PDE3A: variants seen among roughly 807,000 people sequenced by gnomAD.
PDE3A encodes cGMP-inhibited 3',5'-cyclic phosphodiesterase 3A.
In PDE3A, 43 loss-of-function variants were observed where a neutral mutation model predicts 98.3. That is an observed-to-expected ratio of 0.44 (90% CI 0.34 to 0.56). The LOEUF is 0.56. Among genes scored for constraint, PDE3A ranks in the 20% least tolerant of loss-of-function variants. The probability of loss-of-function intolerance (pLI) is 0.01; values close to 1 mark genes in which losing one functional copy is unlikely to be tolerated. For missense variants in PDE3A, 1,427 were observed against 1,440.7 expected (o/e 0.99, Z 0.15); for synonymous variants, 663 against 567.9 (o/e 1.17, Z -2.38).
intron 1 of PDE3A, among the ~76,000 whole-genome samples, chr12:20,472,483 C>G (rs1213524968): frequency 6.6e-6 from 1 of 151,974 alleles, no homozygotes; most frequent in Non-Finnish European, 1.5e-5. Context: ...GTTTTTCTTC[C>G]TAAAGGTGCA....
At chr12:20,551,521 G>C (rs1287097748) in intron 1 of PDE3A, 1 of 1,111,642 alleles carries the variant, frequency 9.0e-7, no homozygotes. Context: ...GGTTAATTCC[G>C]ATAACGAACG....
chr12:20,667,054 G>A (rs992257091), intron 15 of PDE3A, among the ~76,000 whole-genome samples: 1 of 152,052 alleles, frequency 6.6e-6, no homozygotes, highest in Non-Finnish European at 1.5e-5. Context: ...TCATATACCT[G>A]TTGGCCATTT....
rs950639302 is a variant in PDE3A at position 20,684,433 on chromosome 12, A to G, written c.*4162A>G. 1 of 152,182 alleles carries G rather than the reference A, an allele frequency of 6.6e-6. No individual in the cohort carries two copies. Among genetic ancestry groups the G allele is most frequent in the Non-Finnish European group, 1.5e-5 (1 of 68,024 alleles). The allele number at this position is 152,182 out of a possible 1,614,324, so 9.4% of individuals were successfully genotyped here. ...ACTTTCATAGTCTAGAAAAACCAAC[A>G]AGATCCCCCTTATTTAGAGATTATT... On this transcript the variant is annotated 3_prime_UTR_variant, in exon 16 of 16. Transcript: ENST00000359062.
chr12:20,675,505 T>C (rs541250195), intron 15 of PDE3A, among the ~76,000 whole-genome samples: 2 of 152,342 alleles, frequency 1.3e-5, no homozygotes, highest in South Asian at 4.1e-4. Flanking sequence ...GAGAGTGGGA[T>C]GTTGAATTCC....
chr12:20,542,683 T>A (rs1212649078), intron 1 of PDE3A, among the ~76,000 whole-genome samples: 1 of 152,036 alleles, frequency 6.6e-6, no homozygotes, highest in Non-Finnish European at 1.5e-5. Context: ...ATAAATATTG[T>A]TGAGTTAAAG....
At chr12:20,668,155 G>A (rs1266968733) in intron 15 of PDE3A, among the ~76,000 whole-genome samples, 2 of 152,204 alleles carry the variant, frequency 1.3e-5, no homozygotes, top group Non-Finnish European at 2.9e-5. Flanking sequence ...TTAAAAAACG[G>A]CGCACCATGA....
chr12:20,628,943 TG>T, intron 5 of PDE3A, among the ~76,000 whole-genome samples: 1 of 152,292 alleles, frequency 6.6e-6, no homozygotes, highest in Non-Finnish European at 1.5e-5. Flanking sequence ...AATTTGATGA[TG>T]TGAAGGTGGA....
intron 1 of PDE3A, among the ~76,000 whole-genome samples, chr12:20,460,259 T>C (rs989501259): frequency 1.3e-5 from 2 of 152,182 alleles, no homozygotes; most frequent in Admixed American, 6.5e-5. Flanking sequence ...AAGATGGGGA[T>C]GGAGTTGATG....
At position 20,552,604 on chromosome 12, in the gene PDE3A, G is replaced by A. The variant is rs2049419470; in HGVS notation, c.961-4056G>A. 1 of 1,613,678 alleles carries A rather than the reference G, an allele frequency of 6.2e-7. No homozygotes were observed. Among genetic ancestry groups the A allele is most frequent in the Non-Finnish European group, 8.5e-7 (1 of 1,179,856 alleles). On this transcript the variant is annotated intron_variant, in intron 1 of 15. Transcript: ENST00000359062. The surrounding 1 kb of genome is among the most constrained non-coding windows in gnomAD (Gnocchi z 5.1). ...GTCGGCAGGAGGTGGCCCGAGCAGG[G>A]CCGGGTCCCCGCGCCGGACATCCAA... is the stretch of plus-strand genomic sequence containing the variant.
chr12:20,422,091 A>G (rs533921921), intron 1 of PDE3A, among the ~76,000 whole-genome samples: 36 of 152,354 alleles, frequency 2.4e-4, no homozygotes, highest in Middle Eastern at 6.8e-3. Context: ...TCACGCCTGT[A>G]ATCCTAGCAC....
chr12:20,656,320 T>C (rs1384168764), intron 15 of PDE3A, among the ~76,000 whole-genome samples: 1 of 152,220 alleles, frequency 6.6e-6, no homozygotes, highest in African/African-American at 2.4e-5. Context: ...TTTGCTCTCA[T>C]ATAAGCACCT....
intron 1 of PDE3A, among the ~76,000 whole-genome samples, chr12:20,431,623 GCA>G (rs1401790952): frequency 1.7e-4 from 20 of 120,620 alleles, no homozygotes; most frequent in African/African-American, 5.1e-4. Context: ...ACACACACAC[GCA>G]CACACACGCA....
chr12:20,369,817 T>G lies in PDE3A; in HGVS notation c.533T>G (p.Leu178Arg). 6.2e-7 allele frequency: 1 copy of G among 1,611,952 alleles called. No individual in the cohort carries two copies. The highest frequency in any genetic ancestry group is 8.5e-7 in the Non-Finnish European group (1 of 1,179,482). The change falls in exon 1 of 16, where the codon CTG becomes CGG. Residue 178 changes from leucine (L) to arginine (R), a missense_variant. Leu to Arg is a moderately radical substitution (Grantham distance 102). Around this residue, in one of 3 missense-constraint regions of PDE3A, gnomAD observed 1,012 missense variants for 886.5 expected, o/e 1.14. Transcript: ENST00000359062. ...GGGGAAGCGCTCGTCCAGATTGGGCTGGGCGTCGGGGAGGATCACTTACTC... is the reference window on the plus strand; with the variant it reads ...GGGGAAGCGCTCGTCCAGATTGGGCGGGGCGTCGGGGAGGATCACTTACTC... ...CGGEALVQIG[L>R]GVGEDHLLSL... is the part of the protein sequence containing the mutation.
At chr12:20,375,309 C>T (rs1943550734) in intron 1 of PDE3A, among the ~76,000 whole-genome samples, 1 of 151,846 alleles carries the variant, frequency 6.6e-6, no homozygotes, top group African/African-American at 2.4e-5. Context: ...TATATACTTT[C>T]ATGATAGGTA....
chr12:20,642,360 T>C (rs1944664275), intron 10 of PDE3A, among the ~76,000 whole-genome samples: 1 of 152,076 alleles, frequency 6.6e-6, no homozygotes, highest in Non-Finnish European at 1.5e-5. Context: ...AGACAAGAAA[T>C]ATGGTCAACT....
intron 15 of PDE3A, among the ~76,000 whole-genome samples, chr12:20,671,987 G>A (rs1945495462): frequency 6.7e-6 from 1 of 149,032 alleles, no homozygotes; most frequent in South Asian, 2.1e-4. Flanking sequence ...AAGCTGATAA[G>A]CAACTTCAGC....
intron 4 of PDE3A, among the ~76,000 whole-genome samples, chr12:20,618,719 G>A: frequency 6.6e-6 from 1 of 152,078 alleles, no homozygotes; most frequent in Admixed American, 6.6e-5. Flanking sequence ...ATACAAGTAG[G>A]TGCTTAAAAA....
intron 1 of PDE3A, among the ~76,000 whole-genome samples, chr12:20,489,923 G>A (rs1475799126): frequency 5.3e-5 from 8 of 152,304 alleles, no homozygotes; most frequent in Non-Finnish European, 1.0e-4. Context: ...TGGGGCCAGA[G>A]TATATTCACT....
chr12:20,626,555 G>A (rs1441744345), intron 5 of PDE3A, among the ~76,000 whole-genome samples: 1 of 152,126 alleles, frequency 6.6e-6, no homozygotes, highest in Non-Finnish European at 1.5e-5. Context: ...GGGTGCAGCA[G>A]TGGTGGGATC....
Sources: gnomAD v4.1 joint callset for allele counts (sites outside exome capture counted in the v4.1 genomes callset) on GRCh38, gnomAD v4.1.1 for gene constraint, gnomAD v4.1.1 regional missense constraint, Gnocchi (gnomAD v3.1) non-coding constraint, MANE v1.5 for transcripts, NCBI Gene and HGNC (gene_info 2026-07-23, HGNC 2026-07-21) for gene names.